The following SYNE2 variants were observed in gnomAD, a reference collection of about 807,000 sequenced individuals.
SYNE2 encodes spectrin repeat containing nuclear envelope protein 2, also known as nesprin-2.
A neutral mutation model predicts 856.3 loss-of-function variants in SYNE2; 431 were observed. The ratio of observed to expected loss-of-function variants is 0.50; its 90% CI spans 0.47 to 0.55. SYNE2 has a LOEUF of 0.55. Among genes scored for constraint, SYNE2 ranks in the 20% least tolerant of loss-of-function variants. SYNE2 has a pLI of 0.00. For synonymous variants in SYNE2, 2,923 were observed against 2,872.3 expected (o/e 1.02, Z -0.56); for missense variants, 8,129 against 8,023.2 (o/e 1.01, Z -0.50).
intron 101 of SYNE2, 91 bp from the exon 102 acceptor site, chr14:64,209,337 A>G: frequency 6.2e-7 from 1 of 1,603,794 alleles, no homozygotes; most frequent in Admixed American, 1.7e-5. Context: ...GGTCTCCCCC[A>G]CTAAACCGTG....
At chr14:63,859,646 A>G (rs1892959564) in intron 1 of SYNE2, among the ~76,000 whole-genome samples, 1 of 152,144 alleles carries the variant, frequency 6.6e-6, no homozygotes, top group African/African-American at 2.4e-5. Context: ...GTGAAATCCC[A>G]TCTCTACTAA....
intron 2 of SYNE2, among the ~76,000 whole-genome samples, chr14:63,926,674 A>T (rs76927403): frequency 0.031 from 4,645 of 152,252 alleles, 252 homozygotes; most frequent in African/African-American, 0.11. Flanking sequence ...CCTCCTAGTA[A>T]CCCGATGAAG....
At chr14:64,225,178 C>A (rs1478028191) in intron 115 of SYNE2, 133 bp downstream of exon 115, 2 of 1,549,278 alleles carry the variant, frequency 1.3e-6, no homozygotes, top group East Asian at 2.3e-5. Flanking sequence ...TGGTTTTCTC[C>A]TCTGAAACTG....
intron 1 of SYNE2, among the ~76,000 whole-genome samples, chr14:63,869,761 A>G (rs1959034): frequency 0.63 from 95,683 of 151,398 alleles, 30,671 homozygotes; most frequent in South Asian, 0.77. Flanking sequence ...CTGAATTTCC[A>G]ACTGCCGGAT....
chr14:64,111,886 G>A (rs778606805), intron 65 of SYNE2, among the ~76,000 whole-genome samples: 4 of 152,098 alleles, frequency 2.6e-5, no homozygotes, highest in Non-Finnish European at 4.4e-5. Flanking sequence ...TTCAGAAAAA[G>A]CACAACACAA....
At chr14:64,127,653 A>G (rs1487603603) in intron 73 of SYNE2, among the ~76,000 whole-genome samples, 1 of 152,190 alleles carries the variant, frequency 6.6e-6, no homozygotes, top group Non-Finnish European at 1.5e-5. Context: ...TCTAAAGTGA[A>G]TTGGAGAGGC....
At chr14:63,842,651 G>T (rs951223239) in intron 1 of SYNE2, among the ~76,000 whole-genome samples, 2 of 151,740 alleles carry the variant, frequency 1.3e-5, no homozygotes, top group African/African-American at 4.8e-5. Context: ...TAGAGATGGG[G>T]GTTTCACCAT....
chr14:63,990,544 T>C lies in SYNE2; in HGVS notation c.2447T>C (p.Ile816Thr). Residue 816 changes from isoleucine to threonine, a missense_variant, in exon 20 of 116, where the codon ATT becomes ACT. Ile to Thr is a moderately conservative substitution (Grantham distance 89). Transcript: ENST00000555002. ...HVLTTGLQAK[I>T]QEAKEKVQIN... ...CTCACAACTGGGCTTCAGGCAAAGA[T>C]TCAAGAAGCTAAAGAGAAAGTCCAG... The C allele has an allele frequency of 6.2e-7, 1 of 1,614,006 alleles. No homozygotes were observed. Among genetic ancestry groups the C allele is most frequent in the Non-Finnish European group, 8.5e-7 (1 of 1,179,958 alleles).
chr14:63,847,488 G>T (rs1463516218), intron 1 of SYNE2, among the ~76,000 whole-genome samples: 1 of 151,510 alleles, frequency 6.6e-6, no homozygotes, highest in Non-Finnish European at 1.5e-5. Flanking sequence ...AATAAAATTT[G>T]CTTTATTTGC....
chr14:63,796,796 G>T (rs1887931248), intron 1 of SYNE2, among the ~76,000 whole-genome samples: 1 of 151,874 alleles, frequency 6.6e-6, no homozygotes, highest in Non-Finnish European at 1.5e-5. Flanking sequence ...TCCAGCCTGG[G>T]CAACATAGCG....
intron 111 of SYNE2, 73 bp downstream of exon 111, chr14:64,220,710 A>G: frequency 6.5e-7 from 1 of 1,541,764 alleles, no homozygotes; most frequent in Non-Finnish European, 8.9e-7. Flanking sequence ...AGATATTTTT[A>G]TCATCATCAG....
chr14:63,790,061 G>C (rs1261853258), intron 1 of SYNE2, among the ~76,000 whole-genome samples: 1 of 152,210 alleles, frequency 6.6e-6, no homozygotes, highest in Non-Finnish European at 1.5e-5. Flanking sequence ...TAGAAATTAA[G>C]GGATTGGCCG....
Position 64,003,135 on chromosome 14 carries a change from A to C in SYNE2, c.4202A>C (p.Asn1401Thr). The C allele has an allele frequency of 6.2e-7, 1 of 1,614,134 alleles. No individual in the cohort carries two copies. Among genetic ancestry groups the C allele is most frequent in the Non-Finnish European group, 8.5e-7 (1 of 1,179,998 alleles). ...AERGDDTSCE[N>T]LLDAFSIKLS... is the part of the protein sequence containing the mutation. Reference sequence around the variant, plus strand: ...CGGGGTGATGACACCTCCTGTGAAAACCTGCTTGATGCTTTTTCAATAAAG... The same window carrying C: ...CGGGGTGATGACACCTCCTGTGAAACCCTGCTTGATGCTTTTTCAATAAAG... The change falls in exon 30 of 116, where the codon AAC (asparagine) becomes ACC (threonine). Residue 1401 changes from asparagine to threonine, a missense_variant. Around this residue, in one of 3 missense-constraint regions of SYNE2, gnomAD observed 2,422 missense variants for 2,357.4 expected, o/e 1.03. Transcript: ENST00000555002.
intron 52 of SYNE2, among the ~76,000 whole-genome samples, chr14:64,072,661 G>A (rs946164955): frequency 6.6e-6 from 1 of 152,078 alleles, no homozygotes; most frequent in African/African-American, 2.4e-5. Context: ...CACCACACCC[G>A]GCTAATTCTT....
chr14:63,954,836 A>C lies in SYNE2; in HGVS notation c.708A>C (p.Arg236Ser). 3 of 1,614,052 alleles carry C rather than the reference A, an allele frequency of 1.9e-6. No individual in the cohort carries two copies. The highest frequency in any genetic ancestry group is 1.3e-5 in the African/African-American group (1 of 75,054). ...TTGACATGAAGAGTGTGAAGCATAG[A>C]TCCAACAAAGACAATCTGAGAGAGG... ...DLIDMKSVKH[R>S]SNKDNLREAF... Residue 236 changes from arginine to serine, a missense_variant, in exon 8 of 116, where the codon AGA becomes AGC. By Grantham distance (110) the Arg-to-Ser change is moderately radical (BLOSUM62 -1). This residue lies in a region of SYNE2 where 2,422 missense variants were observed against 2,357.4 expected (regional missense o/e 1.03). Coordinates refer to ENST00000555002, the MANE Select transcript of SYNE2 (RefSeq NM_182914.3).
At chr14:63,917,367 A>G (rs909930783) in intron 2 of SYNE2, among the ~76,000 whole-genome samples, 1 of 152,240 alleles carries the variant, frequency 6.6e-6, no homozygotes, top group African/African-American at 2.4e-5. Context: ...TACTATAACA[A>G]TACAAAAGCT....
chr14:63,860,621 C>G (rs1429572544), intron 1 of SYNE2, among the ~76,000 whole-genome samples: 1 of 152,236 alleles, frequency 6.6e-6, no homozygotes, highest in Non-Finnish European at 1.5e-5. Context: ...ACTTGTTGCT[C>G]TGGTTCCAGC....
In SYNE2 at chr14:64,003,354, A is replaced by G. The variant is rs754144468; in HGVS notation, c.4397+24A>G. The G allele has an allele frequency of 4.3e-6, 7 of 1,613,784 alleles. No homozygotes were observed. In the South Asian group the frequency reaches 7.7e-5, roughly 18 times the overall value. On this transcript the variant is annotated intron_variant, in intron 30 of 115. Transcript: ENST00000555002. Reference sequence around the variant, plus strand: ...CGGTAAGTATTGTCCATCCATTTCCATCCAAGGTGACTGACATCTTTCTGT... The same window carrying G: ...CGGTAAGTATTGTCCATCCATTTCCGTCCAAGGTGACTGACATCTTTCTGT...
chr14:64,033,769 T>C (rs942340315), intron 45 of SYNE2, among the ~76,000 whole-genome samples: 1 of 152,234 alleles, frequency 6.6e-6, no homozygotes, highest in East Asian at 1.9e-4. Flanking sequence ...TAGTTTATGA[T>C]ACAAATTTAA....
Sources: gnomAD v4.1 joint callset for allele counts (sites outside exome capture counted in the v4.1 genomes callset) on GRCh38, gnomAD v4.1.1 for gene constraint, gnomAD v4.1.1 regional missense constraint, MANE v1.5 for transcripts, NCBI Gene and HGNC (gene_info 2026-07-23, HGNC 2026-07-21) for gene names.